ZNF804A: variants seen among roughly 807,000 people sequenced by gnomAD.
ZNF804A encodes the protein zinc finger protein 804A.
Under a neutral mutation model 16.5 loss-of-function variants are expected in ZNF804A, and 2 were observed. That is an observed-to-expected ratio of 0.12 (90% CI 0.05 to 0.38). The LOEUF (loss-of-function observed/expected upper bound fraction) is 0.38. Ranked by LOEUF, ZNF804A falls within the 10% of genes least tolerant of loss-of-function variation. The pLI, the probability that ZNF804A is intolerant of heterozygous loss-of-function variation, is 0.99. For synonymous variants in ZNF804A, 534 were observed against 489.6 expected, an observed-to-expected ratio of 1.09 and a Z score of -1.20; for missense variants, 1,473 against 1,390.7, an observed-to-expected ratio of 1.06 and a Z score of -0.94.
chr2:184,880,321 G>T (rs1350557672), intron 2 of ZNF804A, among the ~76,000 whole-genome samples: 8 of 152,052 alleles, frequency 5.3e-5, no homozygotes, highest in Non-Finnish European at 1.5e-5. Context: ...CTACAGAGAT[G>T]CAGCTTAGCT....
At chr2:184,868,531 T>A (rs1695917704) in intron 2 of ZNF804A, among the ~76,000 whole-genome samples, 1 of 152,068 alleles carries the variant, frequency 6.6e-6, no homozygotes, top group African/African-American at 2.4e-5. Context: ...TAATGTCTGA[T>A]AATGGCTGTA....
intron 1 of ZNF804A, among the ~76,000 whole-genome samples, chr2:184,703,764 G>T (rs1387186915): frequency 6.7e-6 from 1 of 149,286 alleles, no homozygotes; most frequent in Non-Finnish European, 1.5e-5. Flanking sequence ...GTTTGCAAAA[G>T]AAGAGCTGTA....
At chr2:184,718,288 C>G (rs916315389) in intron 1 of ZNF804A, among the ~76,000 whole-genome samples, 2 of 152,136 alleles carry the variant, frequency 1.3e-5, no homozygotes, top group African/African-American at 2.4e-5. Flanking sequence ...CTGAGTCCCT[C>G]TCACAACACA....
chr2:184,624,929 T>A (rs1574136525), intron 1 of ZNF804A, among the ~76,000 whole-genome samples: 1 of 152,278 alleles, frequency 6.6e-6, no homozygotes, highest in East Asian at 1.9e-4. Flanking sequence ...TTCTGCGTAT[T>A]GAGTTCCAGT....
At chr2:184,737,877 A>G (rs1693653066) in intron 1 of ZNF804A, among the ~76,000 whole-genome samples, 1 of 152,160 alleles carries the variant, frequency 6.6e-6, no homozygotes, top group Non-Finnish European at 1.5e-5. Flanking sequence ...TAATCCCAGC[A>G]CTTTGGAAGG....
At chr2:184,747,138 A>G (rs1195345670) in intron 1 of ZNF804A, among the ~76,000 whole-genome samples, 1 of 151,120 alleles carries the variant, frequency 6.6e-6, no homozygotes, top group African/African-American at 2.4e-5. Context: ...GTTTAGTTAT[A>G]CTTTTCAAGA....
intron 1 of ZNF804A, among the ~76,000 whole-genome samples, chr2:184,800,012 T>G (rs926446936): frequency 6.6e-6 from 1 of 152,128 alleles, no homozygotes; most frequent in African/African-American, 2.4e-5. Context: ...TTGTGTGAGT[T>G]TTGGTAGTTT....
chr2:184,860,551 G>T (rs970705435), intron 1 of ZNF804A, among the ~76,000 whole-genome samples: 7 of 152,204 alleles, frequency 4.6e-5, no homozygotes, highest in African/African-American at 1.7e-4. Flanking sequence ...GTCCACTAGG[G>T]TGATCCAGAG....
At chr2:184,667,145 G>A (rs182476541) in intron 1 of ZNF804A, among the ~76,000 whole-genome samples, 35 of 151,926 alleles carry the variant, frequency 2.3e-4, no homozygotes, top group African/African-American at 8.0e-4. Flanking sequence ...TTGAATTTTA[G>A]TGCTTTATAC....
At chr2:184,709,671 C>T (rs556410942) in intron 1 of ZNF804A, among the ~76,000 whole-genome samples, 1 of 151,400 alleles carries the variant, frequency 6.6e-6, no homozygotes, top group Non-Finnish European at 1.5e-5. Flanking sequence ...TGAGAAGTTA[C>T]CAAAAAATCG....
At chr2:184,605,690 A>G (rs1210821234) in intron 1 of ZNF804A, among the ~76,000 whole-genome samples, 1 of 152,132 alleles carries the variant, frequency 6.6e-6, no homozygotes, top group Non-Finnish European at 1.5e-5. Context: ...TATAGACTAT[A>G]TGTAAATACT....
chr2:184,641,441 C>G (rs1691793887), intron 1 of ZNF804A, among the ~76,000 whole-genome samples: 1 of 152,038 alleles, frequency 6.6e-6, no homozygotes, highest in African/African-American at 2.4e-5. Flanking sequence ...AAACAAGGAG[C>G]TTTGTGGAGT....
intron 1 of ZNF804A, among the ~76,000 whole-genome samples, chr2:184,785,050 C>T (rs2105775752): frequency 6.6e-6 from 1 of 152,024 alleles, no homozygotes; most frequent in African/African-American, 2.4e-5. Context: ...AGTTTGTTCT[C>T]ACATAAACAT....
chr2:184,639,915 T>A (rs1473926424), intron 1 of ZNF804A, among the ~76,000 whole-genome samples: 2 of 152,080 alleles, frequency 1.3e-5, no homozygotes, highest in African/African-American at 4.8e-5. Context: ...GGCAGGAGAA[T>A]GGTGTGAACC....
At chr2:184,602,430 G>C (rs1193835487) in intron 1 of ZNF804A, among the ~76,000 whole-genome samples, 1 of 151,882 alleles carries the variant, frequency 6.6e-6, no homozygotes, top group Non-Finnish European at 1.5e-5. Flanking sequence ...AAAGAATAAA[G>C]TTTATCTTCC....
intron 1 of ZNF804A, among the ~76,000 whole-genome samples, chr2:184,599,544 C>T (rs943857628): frequency 6.6e-6 from 1 of 152,172 alleles, no homozygotes; most frequent in Admixed American, 6.5e-5. Flanking sequence ...TATTCCAGCT[C>T]TTTCCTGAAG....
intron 1 of ZNF804A, among the ~76,000 whole-genome samples, chr2:184,648,330 G>A (rs1198531925): frequency 6.6e-6 from 1 of 152,026 alleles, no homozygotes; most frequent in Non-Finnish European, 1.5e-5. Context: ...TAGCCCACAG[G>A]TCATATAAAA....
intron 1 of ZNF804A, among the ~76,000 whole-genome samples, chr2:184,697,023 A>C (rs1170853944): frequency 6.6e-6 from 1 of 152,014 alleles, no homozygotes; most frequent in East Asian, 1.9e-4. Flanking sequence ...TGACTTCAGT[A>C]ATTTAGTATA....
chr2:184,761,379 T>C (rs1694034358), intron 1 of ZNF804A, among the ~76,000 whole-genome samples: 1 of 152,112 alleles, frequency 6.6e-6, no homozygotes, highest in Non-Finnish European at 1.5e-5. Flanking sequence ...GTAAATCAAA[T>C]TGTGTTCAGC....
Sources: allele counts gnomAD v4.1 joint callset (sites outside exome capture counted in the v4.1 genomes callset), GRCh38; gene constraint gnomAD v4.1.1; transcripts MANE v1.5; gene names NCBI Gene and HGNC (gene_info 2026-07-23, HGNC 2026-07-21).